LMCD1: variants seen among roughly 807,000 people sequenced by gnomAD.
The protein encoded by LMCD1 is LIM and cysteine rich domains 1.
In LMCD1, 32 loss-of-function variants were observed where a neutral mutation model predicts 42.7. That is an observed-to-expected ratio of 0.75 (90% CI 0.57 to 1.01). LMCD1 has a LOEUF of 1.01. LMCD1 is among the 50% of genes least tolerant of loss of function. The pLI is 0.00. For missense variants in LMCD1, 458 were observed against 483.1 expected (o/e 0.95, Z 0.49); for synonymous variants, 178 against 184.9 (o/e 0.96, Z 0.30).
rs1157854829 is a variant in LMCD1, at chr3:8,567,633, C to A, written c.*35C>A. The A allele has an allele frequency of 1.3e-6, 2 of 1,580,934 alleles. No homozygotes were observed. Among genetic ancestry groups the A allele is most frequent in the South Asian group, 1.1e-5 (1 of 88,330 alleles). Reference sequence around the variant, plus strand: ...CACCCACAGCCAGAATCCACAGGATCCCACCGAGAAGGAGAGCCAGGTGTG... The same window carrying A: ...CACCCACAGCCAGAATCCACAGGATACCACCGAGAAGGAGAGCCAGGTGTG... On this transcript the variant is annotated 3_prime_UTR_variant, in exon 6 of 6. Transcript: ENST00000157600.
intron 4 of LMCD1, among the ~76,000 whole-genome samples, chr3:8,560,853 C>T (rs554167642): frequency 3.9e-4 from 59 of 152,262 alleles, no homozygotes; most frequent in Admixed American, 9.8e-4. Flanking sequence ...AACCACAAAT[C>T]TAGCATGTTC....
rs1693744703 is a variant in LMCD1 at position 8,502,298 on chromosome 3, A to ATATATATTT, written c.42+324_42+325insTTTTATATA. Among the ~76,000 whole-genome samples, 3 of 23,896 alleles carry ATATATATTT rather than the reference A, an allele frequency of 1.3e-4. 1 individual carries two copies. The highest frequency in any genetic ancestry group is 5.5e-4 in the African/African-American group (3 of 5,436). The allele number at this position is 23,896 out of a possible 152,430, so 15.7% of individuals were successfully genotyped here. ...ATATAAAATATATATAATATATATT[A>ATATATATTT]TATATAATATATAAAATATATATTA... On this transcript the variant is annotated intron_variant, in intron 1 of 5. Coordinates refer to ENST00000157600, the MANE Select transcript of LMCD1 (RefSeq NM_014583.4).
At chr3:8,517,818 A>G (rs904425642) in intron 1 of LMCD1, among the ~76,000 whole-genome samples, 9 of 152,088 alleles carry the variant, frequency 5.9e-5, no homozygotes, top group African/African-American at 2.2e-4. Flanking sequence ...ATTTTTATAC[A>G]CTTTAGAGAT....
intron 4 of LMCD1, among the ~76,000 whole-genome samples, chr3:8,556,956 G>A (rs1275790636): frequency 6.6e-6 from 1 of 152,200 alleles, no homozygotes; most frequent in Non-Finnish European, 1.5e-5. Context: ...TAACAGTAGT[G>A]ACCACCAACA....
chr3:8,508,016 G>A (rs751759701), intron 1 of LMCD1, among the ~76,000 whole-genome samples: 4 of 152,184 alleles, frequency 2.6e-5, no homozygotes, highest in Non-Finnish European at 5.9e-5. Context: ...ACCACCAGGA[G>A]TATACTGTCA....
At chr3:8,560,982 A>G (rs928191291) in intron 4 of LMCD1, among the ~76,000 whole-genome samples, 2 of 152,196 alleles carry the variant, frequency 1.3e-5, no homozygotes, top group Non-Finnish European at 2.9e-5. Context: ...CTATCAGTAC[A>G]TGACGTTCCT....
intron 1 of LMCD1, among the ~76,000 whole-genome samples, chr3:8,529,434 C>T (rs375509999): frequency 1.3e-5 from 2 of 150,350 alleles, no homozygotes; most frequent in Admixed American, 6.6e-5. Context: ...GCTTCCTGAA[C>T]CTCCATTTAG....
intron 2 of LMCD1, among the ~76,000 whole-genome samples, chr3:8,533,775 G>A (rs919308305): frequency 6.6e-6 from 1 of 152,108 alleles, no homozygotes; most frequent in African/African-American, 2.4e-5. Flanking sequence ...ACAACTACCA[G>A]ATGGCAGGAT....
chr3:8,517,528 T>C lies in LMCD1; in HGVS notation c.43-15209T>C, dbSNP rs141334577. Among the ~76,000 whole-genome samples, 107 of 152,342 alleles carry C rather than the reference T, an allele frequency of 7.0e-4. 2 individuals are homozygous for C. In the East Asian group the frequency reaches 0.017, roughly 24 times the overall value. ...CCAGAAGTTTGGGTCGTGGACTTGT[T>C]GGTCTAAAGATGAATTTAGTTGATA... On this transcript the variant is annotated intron_variant, in intron 1 of 5. Transcript: ENST00000157600.
Position 8,568,251 on chromosome 3 carries a change from G to C in LMCD1, c.*653G>C, listed in dbSNP as rs755621445. The C allele has an allele frequency of 6.6e-6, 1 of 152,144 alleles. No individual in the cohort carries two copies. Among genetic ancestry groups the C allele is most frequent in the Non-Finnish European group, 1.5e-5 (1 of 68,040 alleles). The allele number at this position is 152,144 out of a possible 1,614,324, so 9.4% of individuals were successfully genotyped here. On this transcript the variant is annotated 3_prime_UTR_variant, in exon 6 of 6. Transcript: ENST00000157600. The stretch of plus-strand genomic sequence containing the variant: ...CATCAGACTTCCACTGGGAGTGTAG[G>C]CTTTGGGACAGAACCCCCGCCCCAC...
chr3:8,554,840 G>A (rs552589946), intron 4 of LMCD1, among the ~76,000 whole-genome samples: 7 of 152,206 alleles, frequency 4.6e-5, no homozygotes, highest in Non-Finnish European at 7.4e-5. Flanking sequence ...AGGAATTTCC[G>A]CCTTTCTCCA....
intron 1 of LMCD1, among the ~76,000 whole-genome samples, chr3:8,502,373 A>G (rs184831): frequency 1.6e-4 from 11 of 68,074 alleles, no homozygotes; most frequent in African/African-American, 6.7e-4. Flanking sequence ...TATATAAAAT[A>G]TATATAATAT....
intron 1 of LMCD1, among the ~76,000 whole-genome samples, chr3:8,502,588 ACACACACACACACACACACG>A (rs1372278261): frequency 4.2e-4 from 23 of 54,412 alleles, no homozygotes; most frequent in Non-Finnish European, 1.8e-4. Context: ...ACACACACAC[ACACACACACACACACACACG>A]CACGCAGTTT....
intron 1 of LMCD1, among the ~76,000 whole-genome samples, chr3:8,511,426 A>G (rs1693997814): frequency 6.6e-6 from 1 of 152,248 alleles, no homozygotes; most frequent in Non-Finnish European, 1.5e-5. Context: ...TCAGAAAAGG[A>G]ATAGCCTAAT....
intron 1 of LMCD1, among the ~76,000 whole-genome samples, chr3:8,522,218 A>T (rs1574952341): frequency 6.6e-6 from 1 of 152,264 alleles, no homozygotes. Context: ...TTGTTCACAG[A>T]TGATGTCAGC....
intron 1 of LMCD1, among the ~76,000 whole-genome samples, chr3:8,504,557 A>G (rs1025257059): frequency 6.6e-6 from 1 of 152,230 alleles, no homozygotes; most frequent in African/African-American, 2.4e-5. Context: ...TAAAATCTAA[A>G]AACTGGAGTA....
chr3:8,573,712 A>T lies in LMCD1; in HGVS notation c.*6114A>T, dbSNP rs958697670. On this transcript the variant is annotated 3_prime_UTR_variant, in exon 6 of 6. Transcript: ENST00000157600. ...CTGGTCTGATTCCTTTGGGTCTCTA[A>T]TAATGGAAACTGCAAGGATCAGCAT... is the stretch of plus-strand genomic sequence containing the variant. The T allele has an allele frequency of 6.6e-6, 1 of 152,206 alleles. No individual in the cohort carries two copies. 9.4% of individuals were successfully genotyped at this position (152,206 alleles called of 1,614,324 possible). A position where few individuals can be genotyped will look rare whatever the true frequency, so the allele number is the denominator to read the frequency against.
chr3:8,548,517 T>A (rs1256563481), intron 3 of LMCD1, 51 bp from the exon 4 acceptor site: 4 of 1,314,636 alleles, frequency 3.0e-6, no homozygotes, highest in Non-Finnish European at 2.1e-6. Flanking sequence ...TTTCTTTGAC[T>A]GATGAAGCCC....
Position 8,537,560 on chromosome 3 carries a change from A to G in LMCD1, c.387+120A>G, listed in dbSNP as rs1694536048. On this transcript the variant is annotated intron_variant, in intron 3 of 5. Coordinates refer to ENST00000157600, the MANE Select transcript of LMCD1 (RefSeq NM_014583.4). ...AGCTCAAGGTCACAAAAATGACAGG[A>G]GTGGCTGTGGTTTTAGCCCTGCCCT... is the stretch of plus-strand genomic sequence containing the variant. The G allele has an allele frequency of 4.3e-6, 5 of 1,161,186 alleles. No homozygotes were observed. The East Asian group carries it at 7.2e-5, about 17-fold the overall frequency. The allele number at this position is 1,161,186 out of a possible 1,614,324, so 71.9% of individuals were successfully genotyped here.
Sources: gnomAD v4.1 joint callset for allele counts (sites outside exome capture counted in the v4.1 genomes callset) on GRCh38, gnomAD v4.1.1 for gene constraint, MANE v1.5 for transcripts, NCBI Gene and HGNC (gene_info 2026-07-23, HGNC 2026-07-21) for gene names.